The following C11orf58 variants were observed in gnomAD, a reference collection of about 807,000 sequenced individuals.
The protein encoded by C11orf58 is chromosome 11 open reading frame 58.
A neutral mutation model predicts 22.7 loss-of-function variants in C11orf58; 5 were observed. That is an observed-to-expected ratio of 0.22 (90% CI 0.12 to 0.46). C11orf58 has a LOEUF of 0.46. Among genes scored for constraint, C11orf58 ranks in the 20% least tolerant of loss-of-function variants. The pLI, the probability that C11orf58 is intolerant of heterozygous loss-of-function variation, is 0.99. For missense variants in C11orf58, 151 were observed against 223.3 expected (o/e 0.68, Z 2.06); for synonymous variants, 71 against 70.7 (o/e 1.00, Z -0.02).
chr11:16,754,090 AT>A (rs894944240), intron 4 of C11orf58: 16 of 384,914 alleles, frequency 4.2e-5, no homozygotes, highest in Middle Eastern at 3.2e-4. Context: ...GAGCTTTTTT[AT>A]TTTTTTTTCA....
Position 16,755,275 on chromosome 11 carries a change from G to T in C11orf58, c.*171G>T. ...CCATGGGTTACACTTTTATGGGCAT[G>T]ACTATAACCATTTTTGTAAAGAGTA... On this transcript the variant is annotated 3_prime_UTR_variant, in exon 5 of 5. Coordinates refer to ENST00000228136, the MANE Select transcript of C11orf58 (RefSeq NM_014267.6). The T allele has an allele frequency of 1.4e-6, 1 of 697,840 alleles. No individual in the cohort carries two copies. The highest frequency in any genetic ancestry group is 2.4e-6 in the Non-Finnish European group (1 of 425,190). 43.2% of individuals were successfully genotyped at this position (697,840 alleles called of 1,614,324 possible).
chr11:16,740,728 TA>T (rs371437582), intron 1 of C11orf58, among the ~76,000 whole-genome samples: 3,018 of 146,462 alleles, frequency 0.021, 82 homozygotes, highest in African/African-American at 0.067. Flanking sequence ...AGCCAGTACT[TA>T]AAAAAAAAAT....
At position 16,756,203 on chromosome 11, in the gene C11orf58, C is replaced by T. The variant is rs1340511195; in HGVS notation, c.*1099C>T. The T allele has an allele frequency of 1.3e-5, 2 of 151,014 alleles. No homozygotes were observed. Among genetic ancestry groups the T allele is most frequent in the African/African-American group, 4.9e-5 (2 of 41,014 alleles). The allele number at this position is 151,014 out of a possible 1,614,324, so 9.4% of individuals were successfully genotyped here. Reference sequence around the variant, plus strand: ...ACAAGTTCAAAGGCTTTAGTCACACCTGTTTGTGAGCTGAGCTATTATACA... The same window carrying T: ...ACAAGTTCAAAGGCTTTAGTCACACTTGTTTGTGAGCTGAGCTATTATACA... On this transcript the variant is annotated 3_prime_UTR_variant, in exon 5 of 5. Coordinates refer to ENST00000228136, the MANE Select transcript of C11orf58 (RefSeq NM_014267.6).
chr11:16,745,372 AACT>A (rs1848479871), intron 2 of C11orf58, among the ~76,000 whole-genome samples: 1 of 152,190 alleles, frequency 6.6e-6, no homozygotes, highest in African/African-American at 2.4e-5. Context: ...CCAACAACTT[AACT>A]ACTAATAGCC....
rs751780912 is a variant in C11orf58 at position 16,744,605 on chromosome 11, G to A, written c.68G>A (p.Gly23Glu). 6.2e-7 allele frequency: 1 copy of A among 1,613,416 alleles called. No homozygotes were observed. The highest frequency in any genetic ancestry group is 1.7e-5 in the Admixed American group (1 of 59,948). ...ATCAACCAATTTTTTTTCTAGCTGG[G>A]ATCTAGCAATTGGGAGGCAGCAGAC... ...KRSASPDDDL[G>E]SSNWEAADLG... Residue 23 changes from glycine (G) to glutamate (E), a missense_variant, in exon 2 of 5, where the codon GGA becomes GAA. This residue lies in a region of C11orf58 where 34 missense variants were observed against 36.5 expected (regional missense o/e 0.93). Transcript: ENST00000228136.
At chr11:16,753,127 T>C (rs1027756195) in intron 4 of C11orf58, among the ~76,000 whole-genome samples, 3 of 152,182 alleles carry the variant, frequency 2.0e-5, no homozygotes, top group Non-Finnish European at 2.9e-5. Flanking sequence ...GCAGTCTCAC[T>C]GTCACCAGGC....
intron 1 of C11orf58, chr11:16,744,181 T>C (rs1290279508): frequency 6.2e-6 from 1 of 162,024 alleles, no homozygotes; most frequent in Non-Finnish European, 1.3e-5. Flanking sequence ...TACTAGGTGC[T>C]CTAGGACCCT....
At chr11:16,748,925 G>A (rs1337170259) in intron 3 of C11orf58, among the ~76,000 whole-genome samples, 2 of 152,044 alleles carry the variant, frequency 1.3e-5, no homozygotes, top group Non-Finnish European at 2.9e-5. Context: ...TAATTGTAGT[G>A]AGGTTTTATG....
chr11:16,740,888 T>TC (rs1848442115), intron 1 of C11orf58, among the ~76,000 whole-genome samples: 1 of 149,632 alleles, frequency 6.7e-6, no homozygotes, highest in South Asian at 2.1e-4. Flanking sequence ...GGTCAGGAGA[T>TC]CCAAACCATC....
chr11:16,748,317 A>AGCAC, intron 3 of C11orf58, 160 bp downstream of exon 3: 12 of 553,250 alleles, frequency 2.2e-5, no homozygotes, highest in Non-Finnish European at 3.4e-5. Flanking sequence ...AATCCCGGTT[A>AGCAC]TTTGGGAGGT....
At chr11:16,738,869 G>A (rs774047736) in intron 1 of C11orf58, 28 bp downstream of exon 1, 2 of 1,613,524 alleles carry the variant, frequency 1.2e-6, no homozygotes, top group South Asian at 2.2e-5. Context: ...AGTGGCTGAG[G>A]GTTGAGGCCT....
At position 16,754,904 on chromosome 11, in the gene C11orf58, G is replaced by A. The variant is rs1848563568; in HGVS notation, c.352G>A (p.Gly118Arg). The A allele has an allele frequency of 6.2e-7, 1 of 1,614,056 alleles. No individual in the cohort carries two copies. Among genetic ancestry groups the A allele is most frequent in the Non-Finnish European group, 8.5e-7 (1 of 1,179,988 alleles). The change falls in exon 5 of 5, where the codon GGA becomes AGA. Residue 118 changes from glycine to arginine, a missense_variant. This residue lies in a region of C11orf58 where 112 missense variants were observed against 162.6 expected (regional missense o/e 0.69). Transcript: ENST00000228136. ...EDHDGEGDVA[G>R]DDDDDDDDSP... ...CCATGATGGAGAAGGTGATGTGGCT[G>A]GAGATGATGATGATGACGATGATGA... is the stretch of plus-strand genomic sequence containing the variant.
In C11orf58 at chr11:16,755,113, C is replaced by T. The variant is rs187197803; in HGVS notation, c.*9C>T. 4.3e-5 allele frequency: 69 copies of T among 1,612,808 alleles called. No homozygotes were observed. The East Asian group carries it at 1.4e-3, about 33-fold the overall frequency. ...AATCCAGTGGTTCATAACTCCCAAA[C>T]GCTTAGTCTTTGTATTAAAAGTAAG... On this transcript the variant is annotated 3_prime_UTR_variant, in exon 5 of 5. Coordinates refer to ENST00000228136, the MANE Select transcript of C11orf58 (RefSeq NM_014267.6).
chr11:16,741,025 G>A (rs1374493425), intron 1 of C11orf58, among the ~76,000 whole-genome samples: 1 of 151,610 alleles, frequency 6.6e-6, no homozygotes, highest in Non-Finnish European at 1.5e-5. Flanking sequence ...GAACCCGGGA[G>A]GCGGAGCTTG....
Position 16,755,426 on chromosome 11 carries a change from C to T in C11orf58, c.*322C>T, listed in dbSNP as rs1848569281. The T allele has an allele frequency of 1.1e-5, 2 of 182,478 alleles. No homozygotes were observed. Among genetic ancestry groups the T allele is most frequent in the Admixed American group, 1.1e-4 (2 of 17,530 alleles). 11.3% of individuals were successfully genotyped at this position (182,478 alleles called of 1,614,324 possible). ...TTTGTGATAGCTATTTTATCATTTC[C>T]TTCATATTTTTCTCTTATAAAAATG... On this transcript the variant is annotated 3_prime_UTR_variant, in exon 5 of 5. Transcript: ENST00000228136.
chr11:16,753,753 T>C (rs750180749), intron 4 of C11orf58: 29 of 397,582 alleles, frequency 7.3e-5, no homozygotes, highest in Non-Finnish European at 1.2e-4. Flanking sequence ...TCCCCCTTTT[T>C]TGAGACAGGT....
intron 1 of C11orf58, among the ~76,000 whole-genome samples, chr11:16,742,935 T>C (rs1848459240): frequency 6.6e-6 from 1 of 152,124 alleles, no homozygotes; most frequent in African/African-American, 2.4e-5. Flanking sequence ...AACCTGAGAA[T>C]AGGAAAAATC....
chr11:16,743,645 T>G (rs1590072790), intron 1 of C11orf58, among the ~76,000 whole-genome samples: 1 of 152,194 alleles, frequency 6.6e-6, no homozygotes, highest in African/African-American at 2.4e-5. Context: ...CGGTGTTCAG[T>G]GAAAGCTAAA....
intron 1 of C11orf58, 171 bp from the exon 2 acceptor site, chr11:16,744,430 G>T: frequency 1.7e-6 from 1 of 585,168 alleles, no homozygotes; most frequent in Non-Finnish European, 3.0e-6. Context: ...TAATAGAAAA[G>T]GAGTAAATTT....
Sources: gnomAD v4.1 joint callset for allele counts (sites outside exome capture counted in the v4.1 genomes callset) on GRCh38, gnomAD v4.1.1 for gene constraint, gnomAD v4.1.1 regional missense constraint, MANE v1.5 for transcripts, NCBI Gene and HGNC (gene_info 2026-07-23, HGNC 2026-07-21) for gene names.